THADA: variants seen among roughly 807,000 people sequenced by gnomAD.
THADA encodes the protein tRNA (32-2'-O)-methyltransferase regulator THADA.
Under a neutral mutation model 219.8 loss-of-function variants are expected in THADA, and 213 were observed. That is an observed-to-expected ratio of 0.97 (90% CI 0.87 to 1.09). THADA has a LOEUF of 1.09. THADA is among the 50% of genes least tolerant of loss of function. THADA has a pLI of 0.00. For synonymous variants in THADA, 1,018 were observed against 828.9 expected, an observed-to-expected ratio of 1.23 and a Z score of -3.92; for missense variants, 2,956 against 2,311.3, an observed-to-expected ratio of 1.28 and a Z score of -5.72.
intron 15 of THADA, among the ~76,000 whole-genome samples, chr2:43,561,375 G>C (rs892902910): frequency 1.3e-5 from 2 of 152,128 alleles, no homozygotes; most frequent in South Asian, 2.1e-4. Context: ...GAAACTCTTA[G>C]AGAAAAAGGA....
chr2:43,421,407 C>G (rs369135499), intron 28 of THADA, among the ~76,000 whole-genome samples: 1 of 152,118 alleles, frequency 6.6e-6, no homozygotes, highest in South Asian at 2.1e-4. Flanking sequence ...AACCACAGAC[C>G]AGGTAGAGTG....
At chr2:43,460,733 G>C (rs1371607231) in intron 26 of THADA, among the ~76,000 whole-genome samples, 1 of 152,174 alleles carries the variant, frequency 6.6e-6, no homozygotes, top group Admixed American at 6.5e-5. Context: ...CACAAATGAA[G>C]GGTTGGCGTG....
At chr2:43,485,207 G>C (rs754599144) in intron 26 of THADA, 27 bp downstream of exon 26, 6 of 1,558,900 alleles carry the variant, frequency 3.8e-6, no homozygotes, top group Non-Finnish European at 5.3e-6. Context: ...TTTAAAAAAA[G>C]TAAAGTTAGC....
At chr2:43,343,855 A>G in intron 30 of THADA, 1 of 350,282 alleles carries the variant, frequency 2.9e-6, no homozygotes, top group South Asian at 3.2e-5. Context: ...CTGGGCACGC[A>G]GCAGGTTTCA....
intron 25 of THADA, among the ~76,000 whole-genome samples, chr2:43,490,124 A>G (rs1174822295): frequency 6.6e-6 from 1 of 152,180 alleles, no homozygotes; most frequent in Non-Finnish European, 1.5e-5. Context: ...GCTATCATAA[A>G]TGAAACTGTT....
intron 28 of THADA, among the ~76,000 whole-genome samples, chr2:43,402,916 G>A (rs1363895129): frequency 6.6e-6 from 1 of 152,228 alleles, no homozygotes; most frequent in Non-Finnish European, 1.5e-5. Context: ...TCCTTTCCCA[G>A]GCCTGTGCCT....
chr2:43,467,043 G>A (rs1409085462), intron 26 of THADA, among the ~76,000 whole-genome samples: 3 of 151,534 alleles, frequency 2.0e-5, no homozygotes, highest in Non-Finnish European at 2.9e-5. Context: ...TTAGCCAGGC[G>A]TGGTAGCGGG....
In THADA at chr2:43,514,877, ATATGTATAATATATATTT is replaced by A. The variant is rs1475321141; in HGVS notation, c.3375-6115_3375-6098del. On this transcript the variant is annotated intron_variant, in intron 22 of 37. Transcript: ENST00000405975. ...ATGTACAATATATATTTTATGTATA[ATATGTATAATATATATTT>A]TATGTATAATATATATTTTATGTAT... Among the ~76,000 whole-genome samples, 68 of 83,134 alleles carry A rather than the reference ATATGTATAATATATATTT, an allele frequency of 8.2e-4. 2 individuals carry two copies. Among genetic ancestry groups the A allele is most frequent in the African/African-American group, 2.7e-3 (53 of 19,478 alleles). The allele number at this position is 83,134 out of a possible 152,430, so 54.5% of individuals were successfully genotyped here.
At chr2:43,420,266 T>C (rs1479502191) in intron 28 of THADA, among the ~76,000 whole-genome samples, 4 of 152,224 alleles carry the variant, frequency 2.6e-5, no homozygotes, top group Non-Finnish European at 5.9e-5. Context: ...AATTAAGTGG[T>C]TAATATACAC....
intron 29 of THADA, among the ~76,000 whole-genome samples, chr2:43,379,921 G>A (rs1671800875): frequency 6.6e-6 from 1 of 152,168 alleles, no homozygotes; most frequent in South Asian, 2.1e-4. Flanking sequence ...ACTGAAAGAA[G>A]CCAGAATGAA....
intron 20 of THADA, among the ~76,000 whole-genome samples, chr2:43,542,900 G>C (rs1449991668): frequency 6.6e-6 from 1 of 151,752 alleles, no homozygotes; most frequent in Non-Finnish European, 1.5e-5. Context: ...AAGTTTTAGG[G>C]TACATGTGCA....
intron 36 of THADA, among the ~76,000 whole-genome samples, chr2:43,243,175 G>C (rs1429036106): frequency 6.6e-6 from 1 of 152,218 alleles, no homozygotes; most frequent in Non-Finnish European, 1.5e-5. Context: ...CTTTCAGCCA[G>C]AGGGGTGGGA....
At chr2:43,482,035 C>T (rs1407254585) in intron 26 of THADA, among the ~76,000 whole-genome samples, 1 of 152,152 alleles carries the variant, frequency 6.6e-6, no homozygotes, top group South Asian at 2.1e-4. Context: ...TGAGCTCACT[C>T]ACATGGAGAT....
chr2:43,565,750 G>C (rs1433116357), intron 15 of THADA: 4 of 152,188 alleles, frequency 2.6e-5, no homozygotes, highest in African/African-American at 4.8e-5. Flanking sequence ...GCACAAGCAA[G>C]AAATCCCACA....
At chr2:43,349,916 C>T (rs1436031310) in intron 29 of THADA, among the ~76,000 whole-genome samples, 1 of 152,132 alleles carries the variant, frequency 6.6e-6, no homozygotes, top group African/African-American at 2.4e-5. Flanking sequence ...CTGTATCTGC[C>T]ATTTTGCCTA....
intron 36 of THADA, among the ~76,000 whole-genome samples, chr2:43,264,781 G>A (rs1671335750): frequency 6.6e-6 from 1 of 152,154 alleles, no homozygotes; most frequent in African/African-American, 2.4e-5. Context: ...AGAACTAGCT[G>A]GAGAAGAACA....
Position 43,489,125 on chromosome 2 carries a change from G to A in THADA, c.3745-3800C>T, listed in dbSNP as rs951291290. ...GGGTTGTCTTTATACTTTCTTGATTGTGTCCTTTGAAAAACATTTTTTTTC... is the reference window on the plus strand; with the variant it reads ...GGGTTGTCTTTATACTTTCTTGATTATGTCCTTTGAAAAACATTTTTTTTC... On this transcript the variant is annotated intron_variant, in intron 25 of 37. Transcript: ENST00000405975. Among the ~76,000 whole-genome samples the A allele has an allele frequency of 3.9e-5, 6 of 152,034 alleles. No individual in the cohort carries two copies. The East Asian group carries it at 1.2e-3, about 29-fold the overall frequency.
intron 8 of THADA, among the ~76,000 whole-genome samples, chr2:43,580,102 G>A (rs1254357730): frequency 1.4e-5 from 2 of 143,600 alleles, no homozygotes; most frequent in African/African-American, 5.3e-5. Context: ...TTGGCTCACT[G>A]CAACCTCTGT....
chr2:43,240,931 C>T (rs776873992), intron 36 of THADA, among the ~76,000 whole-genome samples: 8 of 152,300 alleles, frequency 5.3e-5, no homozygotes, highest in Non-Finnish European at 7.4e-5. Flanking sequence ...GTGCCAGGGC[C>T]GGGTGCAGCA....
Sources: gnomAD v4.1 joint callset for allele counts (sites outside exome capture counted in the v4.1 genomes callset) on GRCh38, gnomAD v4.1.1 for gene constraint, MANE v1.5 for transcripts, NCBI Gene and HGNC (gene_info 2026-07-23, HGNC 2026-07-21) for gene names.